The following EML6 variants were observed in gnomAD, a reference collection of about 807,000 sequenced individuals.
EML6 encodes EMAP like 6, also known as echinoderm microtubule-associated protein-like 6.
Under a neutral mutation model 240.1 loss-of-function variants are expected in EML6, and 154 were observed. That is an observed-to-expected ratio of 0.64 (90% CI 0.56 to 0.73). EML6 has a LOEUF of 0.73. EML6 is among the 30% of genes least tolerant of loss of function. The pLI is 0.00. For missense variants in EML6, 2,964 were observed against 2,474.6 expected (o/e 1.20, Z -4.20); for synonymous variants, 1,148 against 899.0 (o/e 1.28, Z -4.95).
At chr2:54,731,118 T>G (rs1222314271) in intron 2 of EML6, among the ~76,000 whole-genome samples, 1 of 152,182 alleles carries the variant, frequency 6.6e-6, no homozygotes, top group Admixed American at 6.5e-5. Flanking sequence ...GAAGATGTAG[T>G]GGCAGAGAAG....
At chr2:54,841,593 T>TTTTC (rs916045534) in intron 7 of EML6, among the ~76,000 whole-genome samples, 1 of 149,060 alleles carries the variant, frequency 6.7e-6, no homozygotes, top group Non-Finnish European at 1.5e-5. Flanking sequence ...TGGCTTTTTT[T>TTTTC]TTTTTTTTTT....
chr2:54,738,103 C>T (rs1413278746), intron 2 of EML6, among the ~76,000 whole-genome samples: 1 of 152,174 alleles, frequency 6.6e-6, no homozygotes, highest in Non-Finnish European at 1.5e-5. Context: ...CCTTATTGCA[C>T]ATCCTTGTTT....
intron 25 of EML6, among the ~76,000 whole-genome samples, chr2:54,915,995 A>G (rs950241379): frequency 1.3e-5 from 2 of 152,238 alleles, no homozygotes; most frequent in African/African-American, 4.8e-5. Context: ...TCTTATCAGG[A>G]TTTAACCTAT....
intron 17 of EML6, among the ~76,000 whole-genome samples, chr2:54,887,626 A>G (rs561718960): frequency 2.6e-5 from 4 of 152,302 alleles, no homozygotes; most frequent in Non-Finnish European, 4.4e-5. Context: ...CTAATGTTCT[A>G]TGGCTTCATC....
At chr2:54,942,373 GA>G (rs1675474050) in intron 28 of EML6, among the ~76,000 whole-genome samples, 2 of 152,152 alleles carry the variant, frequency 1.3e-5, no homozygotes, top group Non-Finnish European at 2.9e-5. Context: ...GTGACTCTCC[GA>G]AGACTGTGGC....
At chr2:54,808,710 T>TTTG (rs367668765) in intron 2 of EML6, among the ~76,000 whole-genome samples, 2 of 152,288 alleles carry the variant, frequency 1.3e-5, no homozygotes, top group South Asian at 4.2e-4. Flanking sequence ...TGATGAGTGT[T>TTTG]TTGTTGTTGT....
chr2:54,804,368 A>C (rs979872221), intron 2 of EML6, among the ~76,000 whole-genome samples: 3 of 152,268 alleles, frequency 2.0e-5, no homozygotes, highest in Non-Finnish European at 2.9e-5. Flanking sequence ...TGGATTTCAC[A>C]TAGACCTCTC....
chr2:54,785,332 C>T (rs765226339), intron 2 of EML6, among the ~76,000 whole-genome samples: 13 of 151,932 alleles, frequency 8.6e-5, no homozygotes, highest in African/African-American at 2.7e-4. Context: ...TGAGCCACCA[C>T]GCCTGGCTTA....
chr2:54,771,242 C>T (rs1166831528), intron 2 of EML6, among the ~76,000 whole-genome samples: 6 of 152,180 alleles, frequency 3.9e-5, no homozygotes, highest in Non-Finnish European at 8.8e-5. Context: ...AAGCCTTTAA[C>T]CTGGACTGGC....
rs1677033904 is a variant in EML6 at position 54,971,867 on chromosome 2, ACGTT to A, written c.*1773_*1776del. On this transcript the variant is annotated 3_prime_UTR_variant, in exon 42 of 42. Coordinates refer to ENST00000356458, the MANE Select transcript of EML6 (RefSeq NM_001039753.4). Reference sequence around the variant, plus strand: ...TGTGTCATGAAAAACTTATTTGTAAACGTTTATATGGTATGATTTTGATTTTATG... The same window carrying A: ...TGTGTCATGAAAAACTTATTTGTAAATATATGGTATGATTTTGATTTTATG... 6.6e-6 allele frequency: 1 copy of A among 152,204 alleles called. No individual in the cohort carries two copies. The highest frequency in any genetic ancestry group is 1.5e-5 in the Non-Finnish European group (1 of 68,034). The allele number at this position is 152,204 out of a possible 1,614,324, so 9.4% of individuals were successfully genotyped here.
intron 22 of EML6, among the ~76,000 whole-genome samples, 178 bp downstream of exon 22, chr2:54,899,960 A>C (rs936592409): frequency 2.0e-5 from 3 of 152,238 alleles, no homozygotes; most frequent in Non-Finnish European, 4.4e-5. Context: ...GAATTATGCC[A>C]GAAGGCTGGC....
chr2:54,837,082 C>T (rs545574185), intron 7 of EML6, among the ~76,000 whole-genome samples: 1 of 152,142 alleles, frequency 6.6e-6, no homozygotes, highest in Non-Finnish European at 1.5e-5. Context: ...TGAAATTACT[C>T]TTCCTCTCTC....
At chr2:54,924,554 T>A (rs6545460) in intron 26 of EML6, among the ~76,000 whole-genome samples, 140,868 of 152,200 alleles carry the variant, frequency 0.93, 65,239 homozygotes, top group African/African-American at 0.95. Flanking sequence ...TATTTTTTTT[T>A]AAAAAAATTA....
chr2:54,921,120 C>G (rs918597503), intron 26 of EML6, among the ~76,000 whole-genome samples: 3 of 151,726 alleles, frequency 2.0e-5, no homozygotes, highest in African/African-American at 7.3e-5. Flanking sequence ...AGCAATTAAG[C>G]AAGCAAAAGA....
intron 25 of EML6, among the ~76,000 whole-genome samples, chr2:54,912,926 G>T (rs1159315022): frequency 2.0e-5 from 3 of 152,172 alleles, no homozygotes; most frequent in African/African-American, 7.2e-5. Context: ...TATGTACCCA[G>T]TAATGGTATT....
chr2:54,909,868 A>G (rs1673547938), intron 24 of EML6, among the ~76,000 whole-genome samples: 1 of 151,610 alleles, frequency 6.6e-6, no homozygotes, highest in Non-Finnish European at 1.5e-5. Context: ...AAAAAAAAAA[A>G]AAAAGATTAG....
At chr2:54,754,410 C>G (rs1166460312) in intron 2 of EML6, among the ~76,000 whole-genome samples, 1 of 152,102 alleles carries the variant, frequency 6.6e-6, no homozygotes. Context: ...ATGGTAATTT[C>G]CTATTATGGC....
In EML6 at chr2:54,793,569, A is replaced by G. The variant is rs570032053; in HGVS notation, c.198-19663A>G. ...TCCTCACACGCCCGCAACATAGGCA[A>G]TTGTTTCAAAGGCTGTGGAAGAGAC... is the stretch of plus-strand genomic sequence containing the variant. On this transcript the variant is annotated intron_variant, in intron 2 of 41. Transcript: ENST00000356458. Among the ~76,000 whole-genome samples the G allele has an allele frequency of 5.9e-5, 9 of 152,270 alleles. No homozygotes were observed. The South Asian group carries it at 6.2e-4, about 11-fold the overall frequency.
At chr2:54,849,480 T>G (rs926802856) in intron 9 of EML6, among the ~76,000 whole-genome samples, 4 of 152,244 alleles carry the variant, frequency 2.6e-5, no homozygotes, top group Non-Finnish European at 5.9e-5. Context: ...AAACAGTTTG[T>G]TATTCTCCTA....
Sources: allele counts gnomAD v4.1 joint callset (sites outside exome capture counted in the v4.1 genomes callset), GRCh38; gene constraint gnomAD v4.1.1; transcripts MANE v1.5; gene names NCBI Gene and HGNC (gene_info 2026-07-23, HGNC 2026-07-21).